The following NAALADL2 variants were observed in gnomAD, a reference collection of about 807,000 sequenced individuals.
NAALADL2 encodes inactive N-acetylated-alpha-linked acidic dipeptidase-like protein 2.
NAALADL2 carries 76 observed loss-of-function variants against 87.2 expected under a neutral mutation model. That is an observed-to-expected ratio of 0.87 (90% CI 0.72 to 1.05). The LOEUF (loss-of-function observed/expected upper bound fraction) is 1.05. Among genes scored for constraint, NAALADL2 ranks in the 50% least tolerant of loss-of-function variants. The pLI is 0.00. For missense variants in NAALADL2, 1,089 were observed against 945.8 expected (o/e 1.15, Z -1.99); for synonymous variants, 354 against 331.0 (o/e 1.07, Z -0.75).
intron 5 of NAALADL2, among the ~76,000 whole-genome samples, chr3:175,418,735 A>T (rs1715118192): frequency 6.6e-6 from 1 of 151,978 alleles, no homozygotes; most frequent in Non-Finnish European, 1.5e-5. Context: ...GAGGGGGCAG[A>T]TAATTGGAAA....
At chr3:175,564,960 A>G (rs775066292) in intron 9 of NAALADL2, among the ~76,000 whole-genome samples, 3 of 152,250 alleles carry the variant, frequency 2.0e-5, no homozygotes, top group East Asian at 3.8e-4. Flanking sequence ...AAAAGTGCCA[A>G]TGTGGCAAAG....
chr3:175,210,243 A>C (rs1185704637), intron 2 of NAALADL2, among the ~76,000 whole-genome samples: 3 of 151,816 alleles, frequency 2.0e-5, no homozygotes. Flanking sequence ...AAATGAAAGG[A>C]TATATATAAA....
At chr3:175,447,426 T>A in intron 6 of NAALADL2, 54 bp downstream of exon 6, 4 of 1,202,254 alleles carry the variant, frequency 3.3e-6, no homozygotes, top group Non-Finnish European at 4.6e-6. Flanking sequence ...AAGACCATGA[T>A]CATTTTTAAT....
chr3:175,535,496 T>C (rs1418667059), intron 9 of NAALADL2, among the ~76,000 whole-genome samples: 2 of 152,156 alleles, frequency 1.3e-5, no homozygotes, highest in Admixed American at 6.5e-5. Flanking sequence ...AGGCCCTAGT[T>C]TACATGGCCT....
chr3:175,799,264 T>C (rs1195405532), intron 13 of NAALADL2, among the ~76,000 whole-genome samples: 1 of 152,078 alleles, frequency 6.6e-6, no homozygotes, highest in Non-Finnish European at 1.5e-5. Flanking sequence ...AAATGATTAA[T>C]TTTTTAATTA....
chr3:175,230,106 C>A (rs182922961), intron 2 of NAALADL2, among the ~76,000 whole-genome samples: 2 of 151,938 alleles, frequency 1.3e-5, no homozygotes, highest in Non-Finnish European at 2.9e-5. Flanking sequence ...TACTAGGACT[C>A]ATGTTGGAAA....
intron 11 of NAALADL2, among the ~76,000 whole-genome samples, chr3:175,655,905 C>A (rs1731399758): frequency 6.6e-6 from 1 of 151,976 alleles, no homozygotes; most frequent in African/African-American, 2.4e-5. Context: ...AGTAATACGC[C>A]CTTTGTGCAT....
intron 11 of NAALADL2, among the ~76,000 whole-genome samples, chr3:175,688,848 TGAC>T (rs1308280122): frequency 6.6e-6 from 1 of 152,194 alleles, no homozygotes; most frequent in African/African-American, 2.4e-5. Context: ...GCACCTGGGC[TGAC>T]AAGGCTAATG....
chr3:175,509,576 G>A (rs1730844008), intron 9 of NAALADL2, among the ~76,000 whole-genome samples: 1 of 152,114 alleles, frequency 6.6e-6, no homozygotes, highest in East Asian at 1.9e-4. Context: ...AATTATAGGT[G>A]TTTATTTATT....
intron 5 of NAALADL2, among the ~76,000 whole-genome samples, chr3:175,431,538 T>G (rs996300576): frequency 6.6e-6 from 1 of 152,016 alleles, no homozygotes; most frequent in Admixed American, 6.6e-5. Context: ...GCAGCTTTTA[T>G]TCTCACTTTA....
intron 1 of NAALADL2, among the ~76,000 whole-genome samples, chr3:175,024,050 T>C (rs1207228807): frequency 6.6e-6 from 1 of 152,034 alleles, no homozygotes; most frequent in East Asian, 1.9e-4. Flanking sequence ...TTATTTTAAT[T>C]GGTACATCCT....
rs76496537 is a variant in NAALADL2 at position 175,161,062 on chromosome 3, A to G, written c.545+63771A>G. On this transcript the variant is annotated intron_variant, in intron 2 of 13. Transcript: ENST00000454872. The stretch of plus-strand genomic sequence containing the variant: ...TACAAAAAAGTACATATGGAAGCAT[A>G]GAACTTCAATTACACCGCAACCACC... Among the ~76,000 whole-genome samples the G allele has an allele frequency of 6.6e-5, 10 of 152,300 alleles. No homozygotes were observed. In the East Asian group the frequency reaches 1.9e-3, roughly 29 times the overall value.
chr3:175,697,429 ACAC>A (rs2149943122), intron 11 of NAALADL2, among the ~76,000 whole-genome samples: 1 of 151,584 alleles, frequency 6.6e-6, no homozygotes, highest in African/African-American at 2.4e-5. Flanking sequence ...ACACACACAC[ACAC>A]AAAACCCTAC....
chr3:174,980,291 A>G (rs553081281), intron 1 of NAALADL2, among the ~76,000 whole-genome samples: 1 of 152,284 alleles, frequency 6.6e-6, no homozygotes, highest in South Asian at 2.1e-4. Context: ...TGCCTCCCAT[A>G]TTGGAGGCAT....
chr3:175,063,746 G>A (rs1378112353), intron 1 of NAALADL2, among the ~76,000 whole-genome samples: 1 of 151,764 alleles, frequency 6.6e-6, no homozygotes, highest in East Asian at 2.0e-4. Flanking sequence ...GCCTCCTAAA[G>A]TGCTGAGATT....
intron 9 of NAALADL2, among the ~76,000 whole-genome samples, chr3:175,547,481 T>G (rs761993595): frequency 3.3e-5 from 5 of 152,084 alleles, no homozygotes; most frequent in Non-Finnish European, 5.9e-5. Flanking sequence ...GCAATACCAT[T>G]GAGGACATAG....
intron 2 of NAALADL2, among the ~76,000 whole-genome samples, chr3:174,698,726 T>C (rs1020293866): frequency 7.5e-6 from 1 of 133,368 alleles, no homozygotes; most frequent in Admixed American, 7.7e-5. Flanking sequence ...TAGCCGGGCG[T>C]AGTGGCGGGC....
chr3:175,694,869 T>C (rs1242350683), intron 11 of NAALADL2, among the ~76,000 whole-genome samples: 1 of 152,174 alleles, frequency 6.6e-6, no homozygotes, highest in Non-Finnish European at 1.5e-5. Context: ...ATGAGTTATT[T>C]AATCCAATGA....
chr3:174,891,983 C>G (rs968166087), intron 1 of NAALADL2, among the ~76,000 whole-genome samples: 4 of 152,116 alleles, frequency 2.6e-5, no homozygotes, highest in Admixed American at 6.5e-5. Context: ...CAAGGTATCT[C>G]TACAACGCTG....
Sources: allele counts gnomAD v4.1 joint callset (sites outside exome capture counted in the v4.1 genomes callset), GRCh38; gene constraint gnomAD v4.1.1; transcripts MANE v1.5; gene names NCBI Gene and HGNC (gene_info 2026-07-23, HGNC 2026-07-21).